Variants in ACCSL observed in about 807,000 individuals in gnomAD.
The protein encoded by ACCSL is 1-aminocyclopropane-1-carboxylate synthase homolog (inactive) like.
Under a neutral mutation model 61.7 loss-of-function variants are expected in ACCSL, and 55 were observed. The observed-to-expected ratio is 0.89, with a 90% CI of 0.72 to 1.12. The LOEUF is 1.12. ACCSL is among the 50% of genes most tolerant of loss of function. The probability of loss-of-function intolerance (pLI) is 0.00; values close to 1 mark genes in which losing one functional copy is unlikely to be tolerated. For missense variants in ACCSL, 632 were observed against 698.0 expected, an observed-to-expected ratio of 0.91 and a Z score of 1.07; for synonymous variants, 258 against 264.3, an observed-to-expected ratio of 0.98 and a Z score of 0.23.
At chr11:44,009,460 A>G in the ACCSL span, among the ~76,000 whole-genome samples, 1 of 152,208 alleles carries the variant, frequency 6.6e-6, no homozygotes, top group African/African-American at 2.4e-5. Context: ...GGAGAAGAAA[A>G]AGCTGCATAT....
the ACCSL span, among the ~76,000 whole-genome samples, chr11:43,980,372 C>T: frequency 3.9e-5 from 6 of 152,176 alleles, no homozygotes; most frequent in South Asian, 2.1e-4. Flanking sequence ...AACATTGGAG[C>T]AATTTATGTT....
At position 44,056,308 on chromosome 11, in the gene ACCSL, C is replaced by G; in HGVS notation, c.1309C>G (p.Gln437Glu). The change falls in exon 11 of 14, where the codon CAA (glutamine) becomes GAA (glutamate). Residue 437 changes from glutamine to glutamate, a missense_variant. Coordinates refer to ENST00000378832, the MANE Select transcript of ACCSL (RefSeq NM_001031854.2). The stretch of plus-strand genomic sequence containing the variant: ...TGGCATCACCCAGCACAAGCTGTGT[C>G]AACTGCTCCAGAACACAGGTACTGA... ...ISGITQHKLC[Q>E]LLQNTEWIDK... 6.2e-7 allele frequency: 1 copy of G among 1,613,874 alleles called. No individual in the cohort carries two copies. The highest frequency in any genetic ancestry group is 1.3e-5 in the African/African-American group (1 of 75,062).
At chr11:44,005,448 C>T in the ACCSL span, among the ~76,000 whole-genome samples, 1 of 152,078 alleles carries the variant, frequency 6.6e-6, no homozygotes, top group Non-Finnish European at 1.5e-5. Flanking sequence ...GCACTGAGGG[C>T]AGCACTAGCT....
At chr11:44,006,090 C>A in the ACCSL span, among the ~76,000 whole-genome samples, 1 of 152,236 alleles carries the variant, frequency 6.6e-6, no homozygotes, top group Non-Finnish European at 1.5e-5. Flanking sequence ...GTAGAGACTA[C>A]TTCTCCTGGA....
the ACCSL span, among the ~76,000 whole-genome samples, chr11:43,925,701 G>A: frequency 6.6e-6 from 1 of 152,146 alleles, no homozygotes; most frequent in East Asian, 1.9e-4. Context: ...GAGCCCTGTG[G>A]GGAGAGGTGG....
At chr11:43,986,232 C>T in the ACCSL span, among the ~76,000 whole-genome samples, 1 of 151,912 alleles carries the variant, frequency 6.6e-6, no homozygotes, top group African/African-American at 2.4e-5. Flanking sequence ...CTTCAGGTGA[C>T]ATCATCTCTC....
At chr11:43,960,498 C>T in the ACCSL span, among the ~76,000 whole-genome samples, 4 of 151,952 alleles carry the variant, frequency 2.6e-5, no homozygotes, top group Non-Finnish European at 4.4e-5. Flanking sequence ...AAGTGATTCT[C>T]CTCAGCCTCC....
the ACCSL span, among the ~76,000 whole-genome samples, chr11:43,999,557 C>T: frequency 6.6e-6 from 1 of 152,174 alleles, no homozygotes; most frequent in Non-Finnish European, 1.5e-5. Flanking sequence ...ACATGGGTTT[C>T]TCCACCATGA....
At chr11:43,977,438 C>T in the ACCSL span, among the ~76,000 whole-genome samples, 1 of 49,032 alleles carries the variant, frequency 2.0e-5, no homozygotes. Context: ...ACTTAACCAC[C>T]CATTGCTGGC....
chr11:44,025,167 T>C, the ACCSL span, among the ~76,000 whole-genome samples: 1 of 152,206 alleles, frequency 6.6e-6, no homozygotes, highest in Non-Finnish European at 1.5e-5. Flanking sequence ...ATTATTGTAA[T>C]TACCGTTTAG....
the ACCSL span, among the ~76,000 whole-genome samples, chr11:43,946,672 T>C: frequency 6.6e-6 from 1 of 152,196 alleles, no homozygotes; most frequent in Non-Finnish European, 1.5e-5. Flanking sequence ...TTCTATTGAA[T>C]AGATACTCCA....
intron 11 of ACCSL, 144 bp from the exon 12 acceptor site, chr11:44,058,169 GTTTT>G (rs1027446823): frequency 9.9e-7 from 1 of 1,014,594 alleles, no homozygotes; most frequent in South Asian, 1.7e-5. Flanking sequence ...GGAAACTCTG[GTTTT>G]TTTGTTTTTT....
chr11:43,966,099 AATAG>A, the ACCSL span, among the ~76,000 whole-genome samples: 1 of 152,344 alleles, frequency 6.6e-6, no homozygotes, highest in East Asian at 1.9e-4. Flanking sequence ...TAAAGAAAAA[AATAG>A]ATAAATAGAT....
At chr11:44,055,417 T>C in intron 9 of ACCSL, 126 bp downstream of exon 9, 1 of 611,596 alleles carries the variant, frequency 1.6e-6, no homozygotes, top group Non-Finnish European at 2.9e-6. Context: ...ACAGGGCCTG[T>C]GAATACAAAC....
At chr11:43,933,019 A>G in the ACCSL span, 4 of 453,834 alleles carry the variant, frequency 8.8e-6, no homozygotes, top group Non-Finnish European at 1.3e-5. Flanking sequence ...GCTTGGTACT[A>G]CCTGGGAAAA....
the ACCSL span, among the ~76,000 whole-genome samples, chr11:43,955,418 A>G: frequency 6.6e-6 from 1 of 152,176 alleles, no homozygotes; most frequent in Non-Finnish European, 1.5e-5. Flanking sequence ...GATCTTCCTG[A>G]CCACTGCACA....
At chr11:44,004,070 C>G in the ACCSL span, among the ~76,000 whole-genome samples, 7 of 152,042 alleles carry the variant, frequency 4.6e-5, no homozygotes, top group East Asian at 1.9e-4. Flanking sequence ...TATCTGGGAC[C>G]CTGACTGCCT....
At chr11:43,950,184 G>A in the ACCSL span, among the ~76,000 whole-genome samples, 6,587 of 152,212 alleles carry the variant, frequency 0.043, 431 homozygotes, top group Admixed American at 0.17. Context: ...TCCACATTCT[G>A]GATGGAACCA....
At chr11:43,956,835 C>G in the ACCSL span, among the ~76,000 whole-genome samples, 5 of 152,026 alleles carry the variant, frequency 3.3e-5, no homozygotes, top group African/African-American at 1.2e-4. Context: ...AAATGCGAGT[C>G]ACAGATGCAT....
Sources: allele counts gnomAD v4.1 joint callset (sites outside exome capture counted in the v4.1 genomes callset), GRCh38; gene constraint gnomAD v4.1.1; transcripts MANE v1.5; gene names NCBI Gene and HGNC (gene_info 2026-07-23, HGNC 2026-07-21).